The following RANBP9 variants were observed in gnomAD, a reference collection of about 807,000 sequenced individuals.
The protein encoded by RANBP9 is RAN binding protein 9.
RANBP9 carries 15 observed loss-of-function variants against 84.3 expected under a neutral mutation model. The ratio of observed to expected loss-of-function variants is 0.18; its 90% CI spans 0.12 to 0.27. The LOEUF (loss-of-function observed/expected upper bound fraction) is 0.27. RANBP9 is among the 10% of genes least tolerant of loss of function. The pLI is 1.00. For synonymous variants in RANBP9, 392 were observed against 349.6 expected, an observed-to-expected ratio of 1.12 and a Z score of -1.35; for missense variants, 809 against 912.8, an observed-to-expected ratio of 0.89 and a Z score of 1.46.
chr6:13,669,539 T>C (rs1765726068), intron 2 of RANBP9, among the ~76,000 whole-genome samples: 1 of 152,176 alleles, frequency 6.6e-6, no homozygotes, highest in Non-Finnish European at 1.5e-5. Context: ...TAGAGATCAA[T>C]GCCATAGAAT....
rs142027210 is a variant in RANBP9, at chr6:13,623,375, T to G, written c.2060-883A>C. Reference sequence around the variant, plus strand: ...GGCTTCATATGGTTTAACTCCACTCTTGGTTCAGAGGATGCAATTTGATGG... The same window carrying G: ...GGCTTCATATGGTTTAACTCCACTCGTGGTTCAGAGGATGCAATTTGATGG... On this transcript the variant is annotated intron_variant, in intron 13 of 13. Coordinates refer to ENST00000011619, the MANE Select transcript of RANBP9 (RefSeq NM_005493.3). 4.4e-3 allele frequency among the ~76,000 whole-genome samples: 665 copies of G among 152,276 alleles called. 1 individual carries two copies. Among genetic ancestry groups the G allele is most frequent in the Non-Finnish European group, 7.9e-3 (536 of 68,010 alleles).
rs1003858039 is a variant in RANBP9 at position 13,674,132 on chromosome 6, T to C, written c.684-15300A>G. On this transcript the variant is annotated intron_variant, in intron 2 of 13. Coordinates refer to ENST00000011619, the MANE Select transcript of RANBP9 (RefSeq NM_005493.3). Reference sequence around the variant, plus strand: ...TAAAATAAGCAACAAGGAACAAGTATAATGAGTAAGAAACAAATATGGTAG... The same window carrying C: ...TAAAATAAGCAACAAGGAACAAGTACAATGAGTAAGAAACAAATATGGTAG... 2.7e-5 allele frequency among the ~76,000 whole-genome samples: 4 copies of C among 149,200 alleles called. No homozygotes were observed. In the East Asian group the frequency reaches 5.9e-4, roughly 22 times the overall value.
rs1764973580 is a variant in RANBP9, at chr6:13,637,722, A to T, written c.1673+86T>A. ...CCCAGAGCCCCTCTGTGGGTCACAT[A>T]ATTCAAGTTCTTTCAAAATTATTAC... On this transcript the variant is annotated intron_variant, in intron 10 of 13. Coordinates refer to ENST00000011619, the MANE Select transcript of RANBP9 (RefSeq NM_005493.3). 1.9e-5 allele frequency: 25 copies of T among 1,329,552 alleles called. No homozygotes were observed. The South Asian group carries it at 4.0e-4, about 21-fold the overall frequency. The allele number at this position is 1,329,552 out of a possible 1,614,324, so 82.4% of individuals were successfully genotyped here.
At position 13,648,140 on chromosome 6, in the gene RANBP9, G is replaced by GA. The variant is rs1491513627; in HGVS notation, c.928-3412_928-3411insT. On this transcript the variant is annotated intron_variant, in intron 5 of 13. Transcript: ENST00000011619. The stretch of plus-strand genomic sequence containing the variant: ...ACAAAATATGTGATCTTATATGACT[G>GA]GTTTTTTTTTTTTTTTTTTTTTTTT... Among the ~76,000 whole-genome samples, 692 of 122,880 alleles carry GA rather than the reference G, an allele frequency of 5.6e-3. 20 individuals carry two copies. Among genetic ancestry groups the GA allele is most frequent in the Middle Eastern group, 0.033 (7 of 214 alleles). 80.6% of individuals were successfully genotyped at this position (122,880 alleles called of 152,430 possible).
At chr6:13,653,030 C>T (rs1765328672) in intron 4 of RANBP9, among the ~76,000 whole-genome samples, 1 of 152,050 alleles carries the variant, frequency 6.6e-6, no homozygotes, top group African/African-American at 2.4e-5. Flanking sequence ...TATTTTTTAA[C>T]CCCAAGTTGC....
At chr6:13,659,238 G>A (rs994119227) in intron 2 of RANBP9, among the ~76,000 whole-genome samples, 1 of 133,436 alleles carries the variant, frequency 7.5e-6, no homozygotes, top group Non-Finnish European at 1.6e-5. Flanking sequence ...TACAAATTTA[G>A]ACCCCACACA....
At position 13,639,612 on chromosome 6, in the gene RANBP9, C is replaced by G. The variant is rs1765016273; in HGVS notation, c.1476G>C (p.Met492Ile). 2.5e-6 allele frequency: 4 copies of G among 1,612,794 alleles called. No individual in the cohort carries two copies. Among genetic ancestry groups the G allele is most frequent in the Non-Finnish European group, 3.4e-6 (4 of 1,178,788 alleles). The change falls in exon 9 of 14, where the codon ATG becomes ATC. Residue 492 changes from methionine (M) to isoleucine (I), a missense_variant. By Grantham distance (10) the Met-to-Ile change is conservative. Around this residue, in one of 5 missense-constraint regions of RANBP9, gnomAD observed 216 missense variants for 329.0 expected, o/e 0.66. Transcript: ENST00000011619. The stretch of plus-strand genomic sequence containing the variant: ...TGCCTGATGCTAAATTGTGGATATT[C>G]ATTCCATGGCTGGGGCTCATACTTG... Reference protein sequence around the residue: ...SSPSMSPSHGMNIHNLASGKG... With the variant: ...SSPSMSPSHGINIHNLASGKG...
chr6:13,659,273 C>T (rs1441008823), intron 2 of RANBP9, among the ~76,000 whole-genome samples: 1 of 151,444 alleles, frequency 6.6e-6, no homozygotes, highest in African/African-American at 2.4e-5. Flanking sequence ...CACACACACA[C>T]ACACACACAC....
In RANBP9 at chr6:13,637,944, A is replaced by C. The variant is rs982772481; in HGVS notation, c.1537T>G (p.Cys513Gly). 8 of 1,595,664 alleles carry C rather than the reference A, an allele frequency of 5.0e-6. No homozygotes were observed. The highest frequency in any genetic ancestry group is 1.8e-5 in the Admixed American group (1 of 54,930). Reference protein sequence around the residue: ...STAHFSGFESCSNGVISNKAH... With the variant: ...STAHFSGFESGSNGVISNKAH... ...TTATTTGATATTACACCATTACTAC[A>C]ACTTTCAAAACCTGAAGAAAAAGAT... Residue 513 changes from cysteine (C) to glycine (G), a missense_variant, in exon 10 of 14, where the codon TGT becomes GGT. Physicochemically the swap from Cys to Gly is radical, Grantham distance 159. Coordinates refer to ENST00000011619, the MANE Select transcript of RANBP9 (RefSeq NM_005493.3).
At chr6:13,634,381 C>G in intron 11 of RANBP9, 50 bp downstream of exon 11, 2 of 1,591,346 alleles carry the variant, frequency 1.3e-6, no homozygotes, top group Non-Finnish European at 1.7e-6. Context: ...AAAAACATAA[C>G]CTTGTAGCCA....
chr6:13,701,782 A>C (rs1228010408), intron 1 of RANBP9, among the ~76,000 whole-genome samples: 2 of 151,750 alleles, frequency 1.3e-5, no homozygotes, highest in African/African-American at 4.8e-5. Flanking sequence ...AAAAAAAAAA[A>C]CCAAAAAAAC....
intron 2 of RANBP9, among the ~76,000 whole-genome samples, chr6:13,682,059 G>A (rs767950313): frequency 9.9e-5 from 15 of 151,884 alleles, no homozygotes; most frequent in African/African-American, 3.6e-4. Context: ...ATGGGGTTTC[G>A]CCACATTGGC....
intron 5 of RANBP9, among the ~76,000 whole-genome samples, chr6:13,650,103 A>G (rs1765262418): frequency 6.6e-6 from 1 of 151,580 alleles, no homozygotes; most frequent in Admixed American, 6.6e-5. Context: ...AATAATAAAG[A>G]CTCATTCCAT....
At chr6:13,687,610 C>G (rs147119115) in intron 2 of RANBP9, among the ~76,000 whole-genome samples, 1 of 152,136 alleles carries the variant, frequency 6.6e-6, no homozygotes, top group Non-Finnish European at 1.5e-5. Flanking sequence ...ACTACCTTTA[C>G]GTGCTTACTA....
At chr6:13,702,966 C>T (rs1758012521) in intron 1 of RANBP9, among the ~76,000 whole-genome samples, 1 of 152,208 alleles carries the variant, frequency 6.6e-6, no homozygotes, top group South Asian at 2.1e-4. Context: ...TCCTACTAAA[C>T]CTATCTGTTG....
chr6:13,663,919 A>T (rs1435665088), intron 2 of RANBP9, among the ~76,000 whole-genome samples: 1 of 152,258 alleles, frequency 6.6e-6, no homozygotes, highest in East Asian at 1.9e-4. Context: ...TCTACAACTT[A>T]CATGCTTAAT....
chr6:13,629,468 A>C (rs938268031), intron 12 of RANBP9, among the ~76,000 whole-genome samples: 1 of 152,216 alleles, frequency 6.6e-6, no homozygotes, highest in African/African-American at 2.4e-5. Context: ...AAAGCAAAAA[A>C]CATTACCTCA....
intron 2 of RANBP9, among the ~76,000 whole-genome samples, chr6:13,692,232 G>A (rs1265133718): frequency 6.6e-6 from 1 of 152,048 alleles, no homozygotes; most frequent in Non-Finnish European, 1.5e-5. Flanking sequence ...AAATGAATGT[G>A]ACCAAAGAAG....
Position 13,622,177 on chromosome 6 carries a change from A to G in RANBP9, c.*185T>C, listed in dbSNP as rs908868426. ...AACTAAGAGGTTAAAGATGGAAAAT[A>G]ATTTCTCCTAACACTAAGTTAGAAA... is the stretch of plus-strand genomic sequence containing the variant. On this transcript the variant is annotated 3_prime_UTR_variant, in exon 14 of 14. Transcript: ENST00000011619. 2 of 494,034 alleles carry G rather than the reference A, an allele frequency of 4.0e-6. No homozygotes were observed. Among genetic ancestry groups the G allele is most frequent in the Non-Finnish European group, 6.3e-6 (2 of 319,738 alleles). 30.6% of individuals were successfully genotyped at this position (494,034 alleles called of 1,614,324 possible).
Sources: gnomAD v4.1 joint callset for allele counts (sites outside exome capture counted in the v4.1 genomes callset) on GRCh38, gnomAD v4.1.1 for gene constraint, gnomAD v4.1.1 regional missense constraint, MANE v1.5 for transcripts, NCBI Gene and HGNC (gene_info 2026-07-23, HGNC 2026-07-21) for gene names.